SLC7A11: variants seen among roughly 807,000 people sequenced by gnomAD.
SLC7A11 encodes the protein cystine/glutamate transporter.
SLC7A11 carries 35 observed loss-of-function variants against 54.5 expected under a neutral mutation model. The ratio of observed to expected loss-of-function variants is 0.64; its 90% CI spans 0.49 to 0.85. The LOEUF is 0.85. SLC7A11 is among the 40% of genes least tolerant of loss of function. The probability of loss-of-function intolerance (pLI) is 0.00; values close to 1 mark genes in which losing one functional copy is unlikely to be tolerated. For synonymous variants in SLC7A11, 230 were observed against 225.2 expected (o/e 1.02, Z -0.19); for missense variants, 583 against 618.1 (o/e 0.94, Z 0.60).
In SLC7A11 at chr4:138,170,235, T is replaced by A. The variant is rs1168791327; in HGVS notation, c.*1721A>T. On this transcript the variant is annotated 3_prime_UTR_variant, in exon 12 of 12. Transcript: ENST00000280612. ...TATATATATATATATATATAAAAAG[T>A]GTGTGTGTGTGTGTGTATATATATA... 1.1e-5 allele frequency: 1 copy of A among 88,380 alleles called. No homozygotes were observed. Among genetic ancestry groups the A allele is most frequent in the African/African-American group, 4.2e-5 (1 of 24,052 alleles). The allele number at this position is 88,380 out of a possible 1,614,324, so 5.5% of individuals were successfully genotyped here. A position where few individuals can be genotyped will look rare whatever the true frequency, so the allele number is the denominator to read the frequency against.
chr4:138,187,775 AT>A (rs1225852607), intron 6 of SLC7A11, among the ~76,000 whole-genome samples: 2 of 152,184 alleles, frequency 1.3e-5, no homozygotes, highest in Non-Finnish European at 2.9e-5. Context: ...ATGTTTTCAA[AT>A]CGTTTCACTG....
intron 2 of SLC7A11, among the ~76,000 whole-genome samples, chr4:138,234,803 T>C (rs187309844): frequency 2.5e-3 from 375 of 152,330 alleles, no homozygotes; most frequent in African/African-American, 8.6e-3. Context: ...AACTAATACA[T>C]GGCTGAAGAC....
At chr4:138,183,671 G>A (rs1399857458) in intron 7 of SLC7A11, among the ~76,000 whole-genome samples, 4 of 152,144 alleles carry the variant, frequency 2.6e-5, no homozygotes, top group East Asian at 3.9e-4. Context: ...TGTATAATAC[G>A]TTCTCTTTAG....
intron 6 of SLC7A11, among the ~76,000 whole-genome samples, chr4:138,214,304 T>G (rs534655799): frequency 6.6e-6 from 1 of 151,960 alleles, no homozygotes; most frequent in South Asian, 2.1e-4. Context: ...ATAGGCTACC[T>G]AAAATATAAC....
chr4:138,220,854 CTT>C (rs2148444280), intron 4 of SLC7A11, among the ~76,000 whole-genome samples: 1 of 152,276 alleles, frequency 6.6e-6, no homozygotes, highest in South Asian at 2.1e-4. Flanking sequence ...CCAGGCATAA[CTT>C]ATATATAAAT....
In SLC7A11 at chr4:138,171,981, A is replaced by G; in HGVS notation, c.1481T>C (p.Val494Ala). Residue 494 changes from valine to alanine, a missense_variant, in exon 12 of 12, where the codon GTT (valine) becomes GCT (alanine). Coordinates refer to ENST00000280612, the MANE Select transcript of SLC7A11 (RefSeq NM_014331.4). ...ITRTLQIILE[V>A]VPEEDKL Reference sequence around the variant, plus strand: ...TCATAACTTATCTTCTTCTGGTACAACTTCCAGTATTATTTGTAATGTTCT... The same window carrying G: ...TCATAACTTATCTTCTTCTGGTACAGCTTCCAGTATTATTTGTAATGTTCT... The G allele has an allele frequency of 1.9e-6, 3 of 1,599,214 alleles. No individual in the cohort carries two copies. The highest frequency in any genetic ancestry group is 2.6e-6 in the Non-Finnish European group (3 of 1,175,126).
intron 6 of SLC7A11, among the ~76,000 whole-genome samples, chr4:138,200,249 G>C (rs1397998389): frequency 1.3e-5 from 2 of 152,122 alleles, no homozygotes; most frequent in Non-Finnish European, 2.9e-5. Flanking sequence ...CTGTAAAGAT[G>C]TTAAAGACAA....
At chr4:138,172,832 T>G (rs1380622820) in intron 11 of SLC7A11, among the ~76,000 whole-genome samples, 1 of 152,132 alleles carries the variant, frequency 6.6e-6, no homozygotes, top group Non-Finnish European at 1.5e-5. Flanking sequence ...AGTTCTTGTT[T>G]GCCTCTTTTT....
rs150813403 is a variant in SLC7A11 at position 138,173,902 on chromosome 4, A to G, written c.1445-1885T>C. 1.8e-4 allele frequency among the ~76,000 whole-genome samples: 27 copies of G among 152,314 alleles called. 1 individual carries two copies. The East Asian group carries it at 4.8e-3, about 27-fold the overall frequency. On this transcript the variant is annotated intron_variant, in intron 11 of 11. Coordinates refer to ENST00000280612, the MANE Select transcript of SLC7A11 (RefSeq NM_014331.4). ...GAAATGACAAACTTATTCTATAAAAATAGGCATTTGTGGGAAAAGGAAATA... is the reference window on the plus strand; with the variant it reads ...GAAATGACAAACTTATTCTATAAAAGTAGGCATTTGTGGGAAAAGGAAATA...
chr4:138,205,314 C>A (rs542263887), intron 6 of SLC7A11, among the ~76,000 whole-genome samples: 8 of 152,122 alleles, frequency 5.3e-5, no homozygotes, highest in Non-Finnish European at 1.0e-4. Flanking sequence ...AAAGTCTCAA[C>A]TTCATTTGGT....
At chr4:138,207,385 A>C (rs1737434913) in intron 6 of SLC7A11, among the ~76,000 whole-genome samples, 1 of 152,060 alleles carries the variant, frequency 6.6e-6, no homozygotes, top group Admixed American at 6.6e-5. Context: ...AATGCATATA[A>C]AGAGGAATAT....
At chr4:138,210,995 T>C (rs1737531149) in intron 6 of SLC7A11, among the ~76,000 whole-genome samples, 1 of 152,038 alleles carries the variant, frequency 6.6e-6, no homozygotes, top group South Asian at 2.1e-4. Context: ...GGAATCAACT[T>C]TAGTTCCCAT....
chr4:138,241,721 C>G, intron 1 of SLC7A11, 72 bp downstream of exon 1: 2 of 1,257,028 alleles, frequency 1.6e-6, no homozygotes, highest in Non-Finnish European at 2.3e-6. Flanking sequence ...CAAAAACTAC[C>G]ATTTGCTTTC....
chr4:138,228,602 C>CA (rs988550966), intron 3 of SLC7A11, among the ~76,000 whole-genome samples: 82 of 151,162 alleles, frequency 5.4e-4, no homozygotes, highest in Admixed American at 1.1e-3. Flanking sequence ...ACTAAAAATA[C>CA]AAAAAAATTA....
intron 4 of SLC7A11, among the ~76,000 whole-genome samples, chr4:138,221,605 T>A (rs887166205): frequency 1.4e-4 from 21 of 152,202 alleles, no homozygotes; most frequent in African/African-American, 4.8e-4. Context: ...AGCATTGATA[T>A]CATGATTATT....
chr4:138,175,559 A>T (rs1413625359), intron 11 of SLC7A11: 4 of 152,138 alleles, frequency 2.6e-5, no homozygotes, highest in Non-Finnish European at 4.4e-5. Flanking sequence ...AAATAATATA[A>T]CTAACCCACC....
Position 138,223,406 on chromosome 4 carries a change from A to T in SLC7A11, c.521-82T>A, listed in dbSNP as rs944952531. 11 of 1,442,004 alleles carry T rather than the reference A, an allele frequency of 7.6e-6. No homozygotes were observed. In the African/African-American group the frequency reaches 1.4e-4, roughly 18 times the overall value. The allele number at this position is 1,442,004 out of a possible 1,614,324, so 89.3% of individuals were successfully genotyped here. On this transcript the variant is annotated intron_variant, in intron 3 of 11. Coordinates refer to ENST00000280612, the MANE Select transcript of SLC7A11 (RefSeq NM_014331.4). The stretch of plus-strand genomic sequence containing the variant: ...TTAGGTCCTTGTTACTCAAAGGGCA[A>T]TCTGTGAGGCAGCAGTGTTGACATT...
chr4:138,232,008 A>G (rs922941242), intron 3 of SLC7A11, among the ~76,000 whole-genome samples: 2 of 152,210 alleles, frequency 1.3e-5, no homozygotes, highest in Non-Finnish European at 2.9e-5. Context: ...TTCATGTATA[A>G]TAGACTTAAT....
chr4:138,209,295 C>T (rs915165513), intron 6 of SLC7A11, among the ~76,000 whole-genome samples: 1 of 151,826 alleles, frequency 6.6e-6, no homozygotes, highest in Non-Finnish European at 1.5e-5. Flanking sequence ...TGCATGTTGC[C>T]GCACACCTGG....
Sources: gnomAD v4.1 joint callset for allele counts (sites outside exome capture counted in the v4.1 genomes callset) on GRCh38, gnomAD v4.1.1 for gene constraint, MANE v1.5 for transcripts, NCBI Gene and HGNC (gene_info 2026-07-23, HGNC 2026-07-21) for gene names.